Variants in SV2C observed in about 807,000 individuals in gnomAD.
SV2C encodes the protein solute carrier family 22 member B3.
Under a neutral mutation model 79.7 loss-of-function variants are expected in SV2C, and 49 were observed. The observed-to-expected ratio is 0.61, with a 90% confidence interval of 0.49 to 0.78. SV2C has a LOEUF of 0.78. Among genes scored for constraint, SV2C ranks in the 30% least tolerant of loss-of-function variants. The pLI is 0.00. For missense variants in SV2C, 833 were observed against 912.9 expected (o/e 0.91, Z 1.13); for synonymous variants, 334 against 333.2 (o/e 1.00, Z -0.03).
At chr5:76,261,906 T>C (rs1746483035) in intron 4 of SV2C, among the ~76,000 whole-genome samples, 1 of 152,150 alleles carries the variant, frequency 6.6e-6, no homozygotes, top group African/African-American at 2.4e-5. Context: ...GGAATTTCCT[T>C]TTTCAGTTGT....
chr5:76,234,828 A>G (rs1219674126), intron 4 of SV2C, among the ~76,000 whole-genome samples: 6 of 152,210 alleles, frequency 3.9e-5, no homozygotes, highest in Non-Finnish European at 7.3e-5. Flanking sequence ...TACTTGATTT[A>G]TAATGAAAGG....
At chr5:76,349,893 G>C (rs991616226) in intron 12 of SV2C, among the ~76,000 whole-genome samples, 3 of 152,072 alleles carry the variant, frequency 2.0e-5, no homozygotes, top group Non-Finnish European at 4.4e-5. Flanking sequence ...AGACATTCCA[G>C]AGTAATAACC....
chr5:76,221,906 T>G (rs1745074939), intron 4 of SV2C, among the ~76,000 whole-genome samples: 2 of 152,230 alleles, frequency 1.3e-5, no homozygotes, highest in South Asian at 4.1e-4. Context: ...TTATTGTAGA[T>G]ATAGATGCCT....
chr5:76,295,988 C>G (rs1431828311), intron 9 of SV2C, 46 bp downstream of exon 9: 5 of 1,506,166 alleles, frequency 3.3e-6, no homozygotes, highest in Middle Eastern at 2.2e-4. Context: ...TTCACAAAAA[C>G]TTATTTCTTC....
At chr5:76,211,464 G>A (rs1343678900) in intron 4 of SV2C, among the ~76,000 whole-genome samples, 28 of 7,860 alleles carry the variant, frequency 3.6e-3, no homozygotes, top group Middle Eastern at 0.062. Context: ...TTCTGGTTGC[G>A]TGTGTGTGTG....
chr5:75,989,067 C>A, the SV2C span, among the ~76,000 whole-genome samples: 1 of 151,486 alleles, frequency 6.6e-6, no homozygotes, highest in Non-Finnish European at 1.5e-5. Flanking sequence ...TTCTTTTTTT[C>A]GAAATTTAAA....
chr5:76,251,055 T>G (rs984998706), intron 4 of SV2C, among the ~76,000 whole-genome samples: 10 of 152,246 alleles, frequency 6.6e-5, no homozygotes, highest in South Asian at 2.1e-4. Context: ...ATTTCCCACA[T>G]CTAGGGAAAT....
chr5:75,957,971 T>G, the SV2C span, among the ~76,000 whole-genome samples: 1 of 151,966 alleles, frequency 6.6e-6, no homozygotes, highest in Non-Finnish European at 1.5e-5. Flanking sequence ...TCAGATAACT[T>G]GGAAGGCTAC....
At chr5:76,253,189 G>A (rs1177375753) in intron 4 of SV2C, among the ~76,000 whole-genome samples, 1 of 152,180 alleles carries the variant, frequency 6.6e-6, no homozygotes, top group African/African-American at 2.4e-5. Flanking sequence ...TACTGCATTA[G>A]GTTAGAATTC....
intron 2 of SV2C, among the ~76,000 whole-genome samples, chr5:76,141,482 C>T (rs917671712): frequency 2.0e-5 from 3 of 151,980 alleles, no homozygotes; most frequent in East Asian, 1.9e-4. Context: ...GAGAACTTGC[C>T]GATGTATTTC....
At chr5:76,134,011 C>A (rs993689642) in intron 2 of SV2C, among the ~76,000 whole-genome samples, 1 of 152,112 alleles carries the variant, frequency 6.6e-6, no homozygotes, top group African/African-American at 2.4e-5. Context: ...ACAGAAAAAT[C>A]TAAGCCAAAC....
the SV2C span, among the ~76,000 whole-genome samples, chr5:75,904,429 A>G: frequency 1.3e-5 from 2 of 150,822 alleles, no homozygotes; most frequent in African/African-American, 4.9e-5. Context: ...AGAGAGAGAG[A>G]GGCTGTCGGT....
intron 4 of SV2C, among the ~76,000 whole-genome samples, chr5:76,223,934 G>A (rs57837118): frequency 0.039 from 5,874 of 151,538 alleles, 384 homozygotes; most frequent in African/African-American, 0.13. Context: ...GTGGTGGGGG[G>A]ATGGGCATCT....
intron 10 of SV2C, among the ~76,000 whole-genome samples, chr5:76,299,247 T>TGTTTA (rs1367763174): frequency 6.6e-6 from 1 of 152,242 alleles, no homozygotes; most frequent in Non-Finnish European, 1.5e-5. Flanking sequence ...ATCTGGTGTT[T>TGTTTA]GTTTAAATGC....
chr5:76,128,231 C>T (rs1561227724), intron 1 of SV2C, among the ~76,000 whole-genome samples: 1 of 152,116 alleles, frequency 6.6e-6, no homozygotes, highest in Non-Finnish European at 1.5e-5. Context: ...AACAGGGTTA[C>T]ATTATCTTTT....
chr5:75,967,065 T>G, the SV2C span, among the ~76,000 whole-genome samples: 4 of 152,178 alleles, frequency 2.6e-5, no homozygotes, highest in Admixed American at 2.6e-4. Flanking sequence ...CAGGCACAAT[T>G]GCTCATGCCT....
At chr5:75,891,959 C>T in the SV2C span, among the ~76,000 whole-genome samples, 1 of 152,046 alleles carries the variant, frequency 6.6e-6, no homozygotes, top group Non-Finnish European at 1.5e-5. Context: ...GCCAGATAAA[C>T]CCTGACCTCC....
At chr5:76,181,596 G>A (rs1264827122) in intron 2 of SV2C, among the ~76,000 whole-genome samples, 1 of 152,140 alleles carries the variant, frequency 6.6e-6, no homozygotes, top group Non-Finnish European at 1.5e-5. Context: ...TGGTGGAGCA[G>A]GAGAGAGAGG....
chr5:76,242,534 G>A, intron 4 of SV2C: 1 of 409,738 alleles, frequency 2.4e-6, no homozygotes, highest in Non-Finnish European at 4.7e-6. Flanking sequence ...TATGTAGGTG[G>A]TTTAGGAACC....
Sources: gnomAD v4.1 joint callset for allele counts (sites outside exome capture counted in the v4.1 genomes callset) on GRCh38, gnomAD v4.1.1 for gene constraint, MANE v1.5 for transcripts, NCBI Gene and HGNC (gene_info 2026-07-23, HGNC 2026-07-21) for gene names.